ARID5B: variants seen among roughly 807,000 people sequenced by gnomAD.
The protein encoded by ARID5B is AT-rich interactive domain-containing protein 5B.
In ARID5B, 13 loss-of-function variants were observed where a neutral mutation model predicts 97.2. The ratio of observed to expected loss-of-function variants is 0.13; its 90% CI spans 0.09 to 0.21. The LOEUF is 0.21. Among genes scored for constraint, ARID5B ranks in the 10% least tolerant of loss-of-function variants. ARID5B has a pLI of 1.00. For missense variants in ARID5B, 1,210 were observed against 1,465.3 expected (o/e 0.83, Z 2.84); for synonymous variants, 556 against 570.3 (o/e 0.97, Z 0.36).
At chr10:62,059,335 C>T in intron 7 of ARID5B, 40 bp downstream of exon 7, 1 of 1,573,224 alleles carries the variant, frequency 6.4e-7, no homozygotes, top group Non-Finnish European at 8.7e-7. Context: ...ATTTTGCAAT[C>T]TAACTTTTCC....
At chr10:61,922,374 G>A (rs991154551) in intron 2 of ARID5B, among the ~76,000 whole-genome samples, 16 of 152,200 alleles carry the variant, frequency 1.1e-4, no homozygotes, top group African/African-American at 3.9e-4. Context: ...AGGCCAAGGC[G>A]GGTGGATCAC....
chr10:61,994,786 G>A (rs899211275), intron 3 of ARID5B, among the ~76,000 whole-genome samples: 41 of 80,702 alleles, frequency 5.1e-4, no homozygotes, highest in African/African-American at 1.3e-4. Flanking sequence ...TTAACAAAAC[G>A]TGTAATTAAG....
At chr10:61,926,759 C>G (rs913994471) in intron 2 of ARID5B, among the ~76,000 whole-genome samples, 1 of 152,090 alleles carries the variant, frequency 6.6e-6, no homozygotes, top group Non-Finnish European at 1.5e-5. Flanking sequence ...CAGGCGTGCA[C>G]CACCACACCC....
At chr10:61,958,646 G>T (rs952513190) in intron 3 of ARID5B, among the ~76,000 whole-genome samples, 26 of 152,174 alleles carry the variant, frequency 1.7e-4, no homozygotes, top group Middle Eastern at 3.2e-3. Context: ...AAAGAATCTT[G>T]TGGTCAGCTC....
chr10:61,945,815 T>C (rs1844489669), intron 3 of ARID5B, among the ~76,000 whole-genome samples: 1 of 152,008 alleles, frequency 6.6e-6, no homozygotes, highest in Non-Finnish European at 1.5e-5. Context: ...TAGGGAGCCA[T>C]GTGGTACAAG....
At chr10:61,929,485 T>C (rs1237673343) in intron 2 of ARID5B, among the ~76,000 whole-genome samples, 3 of 152,340 alleles carry the variant, frequency 2.0e-5, no homozygotes, top group Non-Finnish European at 4.4e-5. Flanking sequence ...TCTGGAGGGA[T>C]GCCATATTAG....
chr10:61,978,145 G>A (rs1349487766), intron 3 of ARID5B, among the ~76,000 whole-genome samples: 1 of 152,116 alleles, frequency 6.6e-6, no homozygotes, highest in Non-Finnish European at 1.5e-5. Context: ...GTTTTTGTCA[G>A]GTTTGTCAAA....
intron 7 of ARID5B, among the ~76,000 whole-genome samples, chr10:62,062,034 G>A (rs1423941878): frequency 6.6e-6 from 1 of 151,952 alleles, no homozygotes; most frequent in Non-Finnish European, 1.5e-5. Context: ...AGATACTTCA[G>A]TTTGCCACCA....
intron 9 of ARID5B, among the ~76,000 whole-genome samples, chr10:62,089,303 A>T (rs1019980122): frequency 6.6e-6 from 1 of 152,148 alleles, no homozygotes; most frequent in Non-Finnish European, 1.5e-5. Context: ...TAGGTATAAC[A>T]TGTCCCTAAA....
chr10:61,948,414 GCT>G (rs1483742802), intron 3 of ARID5B, among the ~76,000 whole-genome samples: 3 of 87,714 alleles, frequency 3.4e-5, no homozygotes, highest in African/African-American at 1.3e-4. Context: ...ATGGAGTTTT[GCT>G]CTGTCACCAG....
At chr10:61,961,185 A>G (rs1381342886) in intron 3 of ARID5B, among the ~76,000 whole-genome samples, 3 of 152,244 alleles carry the variant, frequency 2.0e-5, no homozygotes, top group African/African-American at 4.8e-5. Context: ...CTTTAAATTA[A>G]TTGCTTTTTA....
At chr10:61,985,420 T>C (rs1433629694) in intron 3 of ARID5B, among the ~76,000 whole-genome samples, 1 of 152,060 alleles carries the variant, frequency 6.6e-6, no homozygotes, top group Non-Finnish European at 1.5e-5. Flanking sequence ...ATTCCCTTGG[T>C]GTCTGACCAG....
chr10:62,035,343 G>A (rs993174003), intron 4 of ARID5B, among the ~76,000 whole-genome samples: 2 of 152,162 alleles, frequency 1.3e-5, no homozygotes, highest in African/African-American at 2.4e-5. Context: ...TTTAGTAAAC[G>A]TTTATTGAAC....
At chr10:62,038,557 A>G (rs1291474309) in intron 4 of ARID5B, among the ~76,000 whole-genome samples, 1 of 152,108 alleles carries the variant, frequency 6.6e-6, no homozygotes, top group Non-Finnish European at 1.5e-5. Flanking sequence ...TCAATTTGCC[A>G]CATATATAGC....
chr10:62,000,074 T>A lies in ARID5B; in HGVS notation c.503-17T>A. The A allele has an allele frequency of 1.2e-6, 2 of 1,612,164 alleles. No individual in the cohort carries two copies. Among genetic ancestry groups the A allele is most frequent in the Non-Finnish European group, 1.7e-6 (2 of 1,178,408 alleles). ...CAGAGGGAAGAGGGTAATGGAAGTGTTTTCTCGTTTGTCTAGGGGAGGACG... is the reference window on the plus strand; with the variant it reads ...CAGAGGGAAGAGGGTAATGGAAGTGATTTCTCGTTTGTCTAGGGGAGGACG... On this transcript the variant is annotated splice_polypyrimidine_tract_variant and intron_variant, in intron 3 of 9. Coordinates refer to ENST00000279873, the MANE Select transcript of ARID5B (RefSeq NM_032199.3). This position sits in a 1 kb window ranked among gnomAD's most constrained non-coding sequence, Gnocchi z 4.4.
intron 3 of ARID5B, among the ~76,000 whole-genome samples, chr10:61,949,872 A>C (rs1838298352): frequency 6.6e-6 from 1 of 152,210 alleles, no homozygotes; most frequent in Non-Finnish European, 1.5e-5. Context: ...AACAAGTCTT[A>C]TGCGGCCTTG....
At chr10:62,027,950 C>A (rs1839443452) in intron 4 of ARID5B, among the ~76,000 whole-genome samples, 1 of 152,166 alleles carries the variant, frequency 6.6e-6, no homozygotes, top group African/African-American at 2.4e-5. Flanking sequence ...GCCAAAACCT[C>A]AGCTTTATGG....
intron 4 of ARID5B, among the ~76,000 whole-genome samples, chr10:62,041,167 C>T (rs1378797886): frequency 6.6e-6 from 1 of 152,132 alleles, no homozygotes; most frequent in African/African-American, 2.4e-5. Context: ...ACCCTCACCC[C>T]ACCCTGCTCC....
chr10:61,982,445 C>A (rs1564619416), intron 3 of ARID5B, among the ~76,000 whole-genome samples: 1 of 152,032 alleles, frequency 6.6e-6, no homozygotes, highest in African/African-American at 2.4e-5. Context: ...GCGAGGAGGT[C>A]AAGGGAGTCA....
Sources: allele counts gnomAD v4.1 joint callset (sites outside exome capture counted in the v4.1 genomes callset), GRCh38; gene constraint gnomAD v4.1.1; non-coding constraint Gnocchi (gnomAD v3.1); transcripts MANE v1.5; gene names NCBI Gene and HGNC (gene_info 2026-07-23, HGNC 2026-07-21).